DGKB: variants seen among roughly 807,000 people sequenced by gnomAD.
DGKB encodes 90 kDa diacylglycerol kinase.
In DGKB, 67 loss-of-function variants were observed where a neutral mutation model predicts 114.3. The ratio of observed to expected loss-of-function variants is 0.59; its 90% CI spans 0.48 to 0.72. The LOEUF (loss-of-function observed/expected upper bound fraction) is 0.72. DGKB is among the 30% of genes least tolerant of loss of function. The pLI, the probability that DGKB is intolerant of heterozygous loss-of-function variation, is 0.00. For missense variants in DGKB, 907 were observed against 975.2 expected (o/e 0.93, Z 0.93); for synonymous variants, 398 against 323.1 (o/e 1.23, Z -2.49).
chr7:14,211,289 A>ATATTTACTCTCATGTTT (rs1562626892), intron 23 of DGKB, among the ~76,000 whole-genome samples: 17 of 107,092 alleles, frequency 1.6e-4, no homozygotes, highest in African/African-American at 8.3e-4. Flanking sequence ...AGCCTCTACT[A>ATATTTACTCTCATGTTT]TGTGATATTT....
chr7:14,505,918 T>A (rs1339795344), intron 20 of DGKB, among the ~76,000 whole-genome samples: 1 of 152,184 alleles, frequency 6.6e-6, no homozygotes, highest in African/African-American at 2.4e-5. Flanking sequence ...GTCAGTAGTG[T>A]AATAAAAAAT....
chr7:14,156,194 A>T (rs1052066532), intron 25 of DGKB, among the ~76,000 whole-genome samples: 4 of 152,160 alleles, frequency 2.6e-5, no homozygotes, highest in African/African-American at 9.6e-5. Flanking sequence ...TACATGAAAT[A>T]AGGTGAGGCA....
intron 21 of DGKB, among the ~76,000 whole-genome samples, chr7:14,451,537 C>A (rs1831485923): frequency 1.6e-5 from 2 of 123,856 alleles, no homozygotes; most frequent in African/African-American, 6.4e-5. Flanking sequence ...TAATAAATCT[C>A]TCTATCTGTC....
rs1057142927 is a variant in DGKB, at chr7:14,924,435, T to C, written c.-188+50261A>G. Among the ~76,000 whole-genome samples the C allele has an allele frequency of 7.9e-5, 12 of 152,328 alleles. 2 individuals are homozygous for C. The South Asian group carries it at 2.1e-3, about 26-fold the overall frequency. On this transcript the variant is annotated intron_variant, in intron 1 of 4. Coordinates refer to the DGKB transcript ENST00000437998. ...AGTTATAAAAAGTTCTCAGGTGTTA[T>C]ATCTTCAGAGATTTCCTCTGTGGTA...
intron 1 of DGKB, among the ~76,000 whole-genome samples, chr7:14,862,576 G>C (rs922815768): frequency 6.6e-6 from 1 of 152,010 alleles, no homozygotes; most frequent in African/African-American, 2.4e-5. Context: ...CCGTTAATAA[G>C]CAATGAAGCC....
At chr7:14,555,245 A>T (rs565919754) in intron 20 of DGKB, among the ~76,000 whole-genome samples, 5 of 152,316 alleles carry the variant, frequency 3.3e-5, no homozygotes, top group Admixed American at 6.5e-5. Context: ...TTCAACATCT[A>T]ACAAATATTA....
intron 23 of DGKB, among the ~76,000 whole-genome samples, chr7:14,332,456 G>T (rs1384695171): frequency 1.3e-5 from 2 of 152,176 alleles, no homozygotes; most frequent in African/African-American, 4.8e-5. Context: ...CTATCAAGGT[G>T]GTGAAAACTG....
At chr7:14,680,993 T>C (rs1269920667) in intron 12 of DGKB, among the ~76,000 whole-genome samples, 1 of 151,904 alleles carries the variant, frequency 6.6e-6, no homozygotes. Context: ...TATTATCTAA[T>C]CTCAGCTTAT....
intron 2 of DGKB, among the ~76,000 whole-genome samples, chr7:14,821,021 C>T (rs1398057927): frequency 1.3e-5 from 2 of 152,038 alleles, no homozygotes; most frequent in African/African-American, 4.8e-5. Flanking sequence ...CACCAGATTC[C>T]AGAAAGGTCT....
In DGKB at chr7:14,752,445, G is replaced by A. The variant is rs922227740; in HGVS notation, c.168+1483C>T. Among the ~76,000 whole-genome samples, 8 of 152,134 alleles carry A rather than the reference G, an allele frequency of 5.3e-5. No individual in the cohort carries two copies. The South Asian group carries it at 6.2e-4, about 12-fold the overall frequency. ...CAAGCCCCTGTGGAGTTATGAAAGC[G>A]TAACTCAGCCTCAGGCCAAGGAACA... is the stretch of plus-strand genomic sequence containing the variant. On this transcript the variant is annotated intron_variant, in intron 4 of 25. Coordinates refer to ENST00000402815, the MANE Select transcript of DGKB (RefSeq NM_001350709.2).
chr7:14,248,895 A>G (rs1414663882), intron 23 of DGKB, among the ~76,000 whole-genome samples: 1 of 152,110 alleles, frequency 6.6e-6, no homozygotes, highest in Non-Finnish European at 1.5e-5. Context: ...ACAAGTGTTG[A>G]GAGAGAGCAG....
At chr7:14,196,200 G>T (rs1275846668) in intron 23 of DGKB, among the ~76,000 whole-genome samples, 2 of 152,080 alleles carry the variant, frequency 1.3e-5, no homozygotes, top group East Asian at 1.9e-4. Flanking sequence ...CCTCACTCAT[G>T]AACTGAGACA....
intron 1 of DGKB, among the ~76,000 whole-genome samples, chr7:14,949,500 C>A (rs557536354): frequency 6.6e-6 from 1 of 151,844 alleles, no homozygotes; most frequent in Non-Finnish European, 1.5e-5. Flanking sequence ...TTAACACATG[C>A]TCAGAGAAAT....
chr7:14,670,102 G>A (rs1818700554), intron 13 of DGKB, among the ~76,000 whole-genome samples: 1 of 151,932 alleles, frequency 6.6e-6, no homozygotes. Flanking sequence ...ATAAATAAAT[G>A]TGTTGTTATT....
intron 20 of DGKB, among the ~76,000 whole-genome samples, chr7:14,525,830 C>T (rs1223374274): frequency 1.3e-5 from 2 of 151,650 alleles, no homozygotes; most frequent in East Asian, 2.0e-4. Flanking sequence ...CTTATTAATG[C>T]GTTGTCATCA....
chr7:14,153,140 T>A (rs1782473666), intron 25 of DGKB, among the ~76,000 whole-genome samples: 1 of 152,146 alleles, frequency 6.6e-6, no homozygotes, highest in African/African-American at 2.4e-5. Flanking sequence ...GGAAGAGAGA[T>A]GGGTCTTCCC....
chr7:14,224,700 C>G (rs975769541), intron 23 of DGKB, among the ~76,000 whole-genome samples: 1 of 152,008 alleles, frequency 6.6e-6, no homozygotes, highest in Non-Finnish European at 1.5e-5. Flanking sequence ...ACCACCACCA[C>G]CAAATGCCCC....
At chr7:14,720,448 G>C (rs915962161) in intron 5 of DGKB, among the ~76,000 whole-genome samples, 4 of 151,326 alleles carry the variant, frequency 2.6e-5, no homozygotes, top group Non-Finnish European at 4.4e-5. Flanking sequence ...GGGATTACTG[G>C]TGCGGGACAC....
At chr7:14,284,988 G>T (rs936484983) in intron 23 of DGKB, among the ~76,000 whole-genome samples, 1 of 150,770 alleles carries the variant, frequency 6.6e-6, no homozygotes, top group African/African-American at 2.4e-5. Context: ...ATGTGCACAT[G>T]TACCCTAAAA....
Sources: gnomAD v4.1 joint callset for allele counts (sites outside exome capture counted in the v4.1 genomes callset) on GRCh38, gnomAD v4.1.1 for gene constraint, MANE v1.5 for transcripts, NCBI Gene and HGNC (gene_info 2026-07-23, HGNC 2026-07-21) for gene names.